The following PRICKLE2 variants were observed in gnomAD, a reference collection of about 807,000 sequenced individuals.
PRICKLE2 encodes the protein prickle-like protein 2.
PRICKLE2 carries 21 observed loss-of-function variants against 81.4 expected under a neutral mutation model. The observed-to-expected ratio is 0.26, with a 90% CI of 0.18 to 0.37. PRICKLE2 has a LOEUF of 0.37. Ranked by LOEUF, PRICKLE2 falls within the 10% of genes least tolerant of loss-of-function variation. The probability of loss-of-function intolerance (pLI) is 1.00; values close to 1 mark genes in which losing one functional copy is unlikely to be tolerated. For synonymous variants in PRICKLE2, 456 were observed against 421.5 expected, an observed-to-expected ratio of 1.08 and a Z score of -1.00; for missense variants, 940 against 1,109.0, an observed-to-expected ratio of 0.85 and a Z score of 2.16.
In PRICKLE2 at chr3:64,092,582, C is replaced by G. The variant is rs2106926759; in HGVS notation, c.*6469G>C. ...CGGGGAAATTGAATTTACATGCTGC[C>G]TTGGTCCTGGCTCCCAGTCAGTGTT... On this transcript the variant is annotated 3_prime_UTR_variant, in exon 8 of 8. Coordinates refer to ENST00000638394, the MANE Select transcript of PRICKLE2 (RefSeq NM_198859.4). 1 of 152,328 alleles carries G rather than the reference C, an allele frequency of 6.6e-6. No individual in the cohort carries two copies. The highest frequency in any genetic ancestry group is 3.4e-3 in the Middle Eastern group (1 of 294). The allele number at this position is 152,328 out of a possible 1,614,324, so 9.4% of individuals were successfully genotyped here. A position where few individuals can be genotyped will look rare whatever the true frequency, so the allele number is the denominator to read the frequency against.
intron 7 of PRICKLE2, among the ~76,000 whole-genome samples, chr3:64,117,346 C>T (rs930989687): frequency 1.3e-5 from 2 of 152,088 alleles, no homozygotes; most frequent in Non-Finnish European, 2.9e-5. Context: ...GGAGTCCTGG[C>T]CAGGGCAATC....
chr3:64,108,468 CAT>C (rs2106948821), intron 7 of PRICKLE2, among the ~76,000 whole-genome samples: 2 of 152,144 alleles, frequency 1.3e-5, no homozygotes, highest in South Asian at 4.1e-4. Context: ...AACGCCACCA[CAT>C]GTTTCTTGGT....
chr3:64,254,552 A>C (rs750605543), intron 2 of PRICKLE2, among the ~76,000 whole-genome samples: 3 of 152,224 alleles, frequency 2.0e-5, no homozygotes, highest in Non-Finnish European at 4.4e-5. Flanking sequence ...CTAACTGGCC[A>C]GGACTAATTA....
Position 64,147,791 on chromosome 3 carries a change from A to G in PRICKLE2, c.788-89T>C. On this transcript the variant is annotated intron_variant, in intron 6 of 7. Coordinates refer to ENST00000638394, the MANE Select transcript of PRICKLE2 (RefSeq NM_198859.4). This position sits in a 1 kb window ranked among gnomAD's most constrained non-coding sequence, Gnocchi z 5.0. ...AACACATAGCACCTTGGTTTGTCTC[A>G]GGATTCCAGGTGCGGCAGGATAAAC... The G allele has an allele frequency of 7.1e-7, 1 of 1,404,326 alleles. No homozygotes were observed. The highest frequency in any genetic ancestry group is 1.4e-5 in the African/African-American group (1 of 70,870). The allele number at this position is 1,404,326 out of a possible 1,614,324, so 87.0% of individuals were successfully genotyped here. A position where few individuals can be genotyped will look rare whatever the true frequency, so the allele number is the denominator to read the frequency against.
chr3:64,158,997 T>A (rs2077685429), intron 4 of PRICKLE2, among the ~76,000 whole-genome samples: 1 of 152,164 alleles, frequency 6.6e-6, no homozygotes. Flanking sequence ...GCTGTAGGAC[T>A]TAGAGAAGTA....
chr3:64,211,877 A>C (rs1488474394), intron 1 of PRICKLE2, among the ~76,000 whole-genome samples: 2 of 152,184 alleles, frequency 1.3e-5, no homozygotes, highest in Non-Finnish European at 2.9e-5. Context: ...ATGAAAAAGT[A>C]GTCCTAACAG....
rs187065876 is a variant in PRICKLE2, at chr3:64,140,600, C to T, written c.1660+6230G>A. Among the ~76,000 whole-genome samples the T allele has an allele frequency of 2.0e-5, 3 of 152,312 alleles. No individual in the cohort carries two copies. The East Asian group carries it at 5.8e-4, about 29-fold the overall frequency. ...CTAAGGCAGCCAGTTCCAATTCCAG[C>T]TCTACTATATACCTGGTCCCAGTGT... On this transcript the variant is annotated intron_variant, in intron 7 of 7. Coordinates refer to ENST00000638394, the MANE Select transcript of PRICKLE2 (RefSeq NM_198859.4).
chr3:64,148,418 A>G (rs903508099), intron 6 of PRICKLE2, among the ~76,000 whole-genome samples: 1 of 152,210 alleles, frequency 6.6e-6, no homozygotes, highest in Non-Finnish European at 1.5e-5. Flanking sequence ...GTGAAGCTCT[A>G]TGAGGACAGA....
chr3:64,255,455 G>A (rs1271074310), intron 2 of PRICKLE2, among the ~76,000 whole-genome samples: 1 of 152,162 alleles, frequency 6.6e-6, no homozygotes, highest in Non-Finnish European at 1.5e-5. Flanking sequence ...GAGGGAGCAA[G>A]GGTTTATACA....
At chr3:64,258,982 G>T (rs2107187803) in intron 2 of PRICKLE2, among the ~76,000 whole-genome samples, 1 of 152,142 alleles carries the variant, frequency 6.6e-6, no homozygotes, top group South Asian at 2.1e-4. Flanking sequence ...CTGTGTGCTG[G>T]TAACACTGGT....
At chr3:64,190,724 C>T (rs1353762627) in intron 2 of PRICKLE2, among the ~76,000 whole-genome samples, 1 of 152,170 alleles carries the variant, frequency 6.6e-6, no homozygotes, top group African/African-American at 2.4e-5. Flanking sequence ...CAGACAGGTA[C>T]TAACAAGGTT....
At chr3:64,124,895 T>C (rs966718597) in intron 7 of PRICKLE2, among the ~76,000 whole-genome samples, 1 of 152,192 alleles carries the variant, frequency 6.6e-6, no homozygotes, top group African/African-American at 2.4e-5. Context: ...CAAGGAATGA[T>C]TTCAGCTTTC....
intron 7 of PRICKLE2, chr3:64,102,159 G>C (rs2076676892): frequency 6.6e-6 from 1 of 152,224 alleles, no homozygotes; most frequent in Non-Finnish European, 1.5e-5. Flanking sequence ...TAGATGAAAG[G>C]GTACGAGGGA....
chr3:64,170,562 C>T (rs534334594), intron 2 of PRICKLE2, among the ~76,000 whole-genome samples: 1 of 152,240 alleles, frequency 6.6e-6, no homozygotes, highest in South Asian at 2.1e-4. Flanking sequence ...CACTGCTCTG[C>T]TCAAAACCCT....
chr3:64,097,623 T>C lies in PRICKLE2; in HGVS notation c.*1428A>G, dbSNP rs1434051534. On this transcript the variant is annotated 3_prime_UTR_variant, in exon 8 of 8. Transcript: ENST00000638394. ...TTTGAGCCCATTTTCTGACCAACAG[T>C]CCTCAAAGTTCAAAATGGAAATACC... 1 of 152,582 alleles carries C rather than the reference T, an allele frequency of 6.6e-6. No individual in the cohort carries two copies. The highest frequency in any genetic ancestry group is 2.4e-5 in the African/African-American group (1 of 41,444). 9.5% of individuals were successfully genotyped at this position (152,582 alleles called of 1,614,324 possible).
At position 64,197,941 on chromosome 3, in the gene PRICKLE2, G is replaced by A. The variant is rs555054259; in HGVS notation, c.144+843C>T. On this transcript the variant is annotated intron_variant, in intron 2 of 7. Coordinates refer to ENST00000638394, the MANE Select transcript of PRICKLE2 (RefSeq NM_198859.4). ...TTTCAAGGGCTGATGGCCGGGTGTG[G>A]TGGCTCACGCCTGTAATCCCAGCAC... is the stretch of plus-strand genomic sequence containing the variant. Among the ~76,000 whole-genome samples, 5 of 152,056 alleles carry A rather than the reference G, an allele frequency of 3.3e-5. No homozygotes were observed. In the South Asian group the frequency reaches 1.0e-3, roughly 32 times the overall value.
rs778850465 is a variant in PRICKLE2 at position 64,099,275 on chromosome 3, C to T, written c.2311G>A (p.Glu771Lys). The T allele has an allele frequency of 1.9e-6, 3 of 1,614,216 alleles. No homozygotes were observed. Among genetic ancestry groups the T allele is most frequent in the African/African-American group, 1.3e-5 (1 of 75,056 alleles). Residue 771 changes from glutamate (E) to lysine (K), a missense_variant, in exon 8 of 8, where the codon GAG (glutamate) becomes AAG (lysine). By Grantham distance (56) the Glu-to-Lys change is moderately conservative (BLOSUM62 1). Transcript: ENST00000638394. This position sits in a 1 kb window ranked among gnomAD's most constrained non-coding sequence, Gnocchi z 4.3. The part of the protein sequence containing the change: ...FGDRWGPYFA[E>K]YDWCSTCSSS... ...GAGCAGGTGGAACACCAATCATACTCGGCGAAGTAGGGTCCCCAGCGGTCC... is the reference window on the plus strand; with the variant it reads ...GAGCAGGTGGAACACCAATCATACTTGGCGAAGTAGGGTCCCCAGCGGTCC...
At chr3:64,181,930 C>T (rs950198419) in intron 2 of PRICKLE2, among the ~76,000 whole-genome samples, 4 of 152,038 alleles carry the variant, frequency 2.6e-5, no homozygotes, top group African/African-American at 7.2e-5. Context: ...GGCATTAAAA[C>T]GTGTGTCACA....
At chr3:64,136,594 T>C (rs2077283791) in intron 7 of PRICKLE2, among the ~76,000 whole-genome samples, 1 of 151,910 alleles carries the variant, frequency 6.6e-6, no homozygotes, top group South Asian at 2.1e-4. Flanking sequence ...GTTTTAGTCA[T>C]GTTAGTTTTC....
Sources: gnomAD v4.1 joint callset for allele counts (sites outside exome capture counted in the v4.1 genomes callset) on GRCh38, gnomAD v4.1.1 for gene constraint, Gnocchi (gnomAD v3.1) non-coding constraint, MANE v1.5 for transcripts, NCBI Gene and HGNC (gene_info 2026-07-23, HGNC 2026-07-21) for gene names.